RCBTB2: variants seen among roughly 807,000 people sequenced by gnomAD.
RCBTB2 encodes the protein RCC1 and BTB domain-containing protein 2.
Under a neutral mutation model 65.4 loss-of-function variants are expected in RCBTB2, and 55 were observed. The ratio of observed to expected loss-of-function variants is 0.84; its 90% CI spans 0.68 to 1.05. RCBTB2 has a LOEUF of 1.05. Ranked by LOEUF, RCBTB2 falls within the 50% of genes least tolerant of loss-of-function variation. The pLI is 0.00. For synonymous variants in RCBTB2, 220 were observed against 255.2 expected, an observed-to-expected ratio of 0.86 and a Z score of 1.31; for missense variants, 599 against 680.1, an observed-to-expected ratio of 0.88 and a Z score of 1.33.
chr13:48,503,740 G>T (rs143474947), intron 10 of RCBTB2, among the ~76,000 whole-genome samples: 1 of 152,234 alleles, frequency 6.6e-6, no homozygotes, highest in East Asian at 1.9e-4. Flanking sequence ...GTAGAGACAA[G>T]GTTTTGCCAT....
chr13:48,514,788 C>T (rs2138560734), intron 6 of RCBTB2, among the ~76,000 whole-genome samples: 1 of 152,318 alleles, frequency 6.6e-6, no homozygotes, highest in East Asian at 1.9e-4. Context: ...TTTTTCTAGT[C>T]AATCCCTTAT....
intron 9 of RCBTB2, among the ~76,000 whole-genome samples, chr13:48,511,281 C>A (rs1024584348): frequency 2.0e-5 from 3 of 152,066 alleles, no homozygotes; most frequent in African/African-American, 4.8e-5. Context: ...TTTTCCATGT[C>A]ATTAAAAATT....
At chr13:48,529,325 C>T (rs1951976109) in intron 1 of RCBTB2, among the ~76,000 whole-genome samples, 1 of 152,138 alleles carries the variant, frequency 6.6e-6, no homozygotes, top group East Asian at 1.9e-4. Flanking sequence ...CATATATATT[C>T]CTTCAACATG....
chr13:48,521,670 G>A (rs904275815), intron 4 of RCBTB2, among the ~76,000 whole-genome samples: 7 of 152,178 alleles, frequency 4.6e-5, no homozygotes, highest in African/African-American at 1.4e-4. Context: ...TGTCACCATC[G>A]CTGGGAGCCC....
At chr13:48,507,978 T>A (rs1474325592) in intron 10 of RCBTB2, among the ~76,000 whole-genome samples, 1 of 152,234 alleles carries the variant, frequency 6.6e-6, no homozygotes, top group Non-Finnish European at 1.5e-5. Flanking sequence ...GTATTCTCCA[T>A]CATAAATAAA....
At chr13:48,503,588 C>A (rs549285136) in intron 10 of RCBTB2, among the ~76,000 whole-genome samples, 1 of 152,136 alleles carries the variant, frequency 6.6e-6, no homozygotes, top group South Asian at 2.1e-4. Context: ...GTCACCCAGG[C>A]TAGAGTGCAG....
upstream of RCBTB2, among the ~76,000 whole-genome samples, chr13:48,535,260 T>C (rs1354005376): frequency 2.0e-5 from 3 of 150,964 alleles, no homozygotes; most frequent in Non-Finnish European, 4.4e-5. Flanking sequence ...ATCCTCTTTT[T>C]TTTTTTTTTT....
At chr13:48,531,445 G>A (rs1952115525) in intron 1 of RCBTB2, among the ~76,000 whole-genome samples, 1 of 152,230 alleles carries the variant, frequency 6.6e-6, no homozygotes, top group African/African-American at 2.4e-5. Flanking sequence ...TGGAGAGCCA[G>A]ACATTTTAGG....
At chr13:48,527,333 A>ATATGATATATATATATATGATATATATT (rs1378125105) in intron 1 of RCBTB2, among the ~76,000 whole-genome samples, 8 of 130,046 alleles carry the variant, frequency 6.2e-5, no homozygotes. Flanking sequence ...ATATATATAT[A>ATATGATATATATATATATGATATATATT]TATGATATAT....
intron 4 of RCBTB2, among the ~76,000 whole-genome samples, chr13:48,516,026 G>T (rs1363848829): frequency 6.6e-6 from 1 of 152,182 alleles, no homozygotes; most frequent in Non-Finnish European, 1.5e-5. Context: ...ATGTTCAGCA[G>T]ATACTTTAAA....
intron 14 of RCBTB2, among the ~76,000 whole-genome samples, chr13:48,494,749 A>G (rs1308237724): frequency 6.6e-6 from 1 of 152,204 alleles, no homozygotes; most frequent in Non-Finnish European, 1.5e-5. Flanking sequence ...GGACTAGGAA[A>G]AGTGCATGGA....
rs1361914519 is a variant in RCBTB2, at chr13:48,512,815, G to A, written c.430C>T (p.His144Tyr). ...GTTNHGLVPC[H>Y]ISTNLSNKQV... The stretch of plus-strand genomic sequence containing the variant: ...TTGTTTGACAGATTAGTAGAGATAT[G>A]ACAGGGCACTAAACCATGATTAGTT... Residue 144 changes from histidine to tyrosine, a missense_variant, in exon 7 of 15, where the codon CAT (histidine) becomes TAT (tyrosine). His to Tyr is a moderately conservative substitution (Grantham distance 83). Transcript: ENST00000344532. 3 of 1,613,792 alleles carry A rather than the reference G, an allele frequency of 1.9e-6. No individual in the cohort carries two copies. Among genetic ancestry groups the A allele is most frequent in the Non-Finnish European group, 2.5e-6 (3 of 1,179,814 alleles).
At chr13:48,512,214 T>A in intron 7 of RCBTB2, 40 bp from the exon 8 acceptor site, 1 of 1,560,554 alleles carries the variant, frequency 6.4e-7, no homozygotes, top group South Asian at 1.1e-5. Context: ...CAGATTAATT[T>A]ATAAACTGTC....
In RCBTB2 at chr13:48,511,861, T is replaced by C. The variant is rs571851335; in HGVS notation, c.692A>G (p.Tyr231Cys). 1.2e-6 allele frequency: 2 copies of C among 1,614,220 alleles called. No individual in the cohort carries two copies. Among genetic ancestry groups the C allele is most frequent in the African/African-American group, 2.7e-5 (2 of 75,046 alleles). ...VDTGEVYVWG[Y>C]NGNGQLGLGN... Reference sequence around the variant, plus strand: ...GAGTCCAAGCTGCCCGTTTCCGTTGTAACCCCAGACATAGACCTGAGAGAA... The same window carrying C: ...GAGTCCAAGCTGCCCGTTTCCGTTGCAACCCCAGACATAGACCTGAGAGAA... The change falls in exon 9 of 15, where the codon TAC (tyrosine) becomes TGC (cysteine). Residue 231 changes from tyrosine (Y) to cysteine (C), a missense_variant. Transcript: ENST00000344532.
Position 48,512,030 on chromosome 13 carries a change from C to A in RCBTB2, c.661G>T (p.Val221Leu), listed in dbSNP as rs1415623091. ...ACGQMCCMAVVDTGEVYVWGY... is the reference protein window; with the variant it reads ...ACGQMCCMAVLDTGEVYVWGY... ...AACTTCCTTACCTCCCCCGTGTCTA[C>A]TACTGCCATGCAGCACATCTGCCCA... The change falls in exon 8 of 15, where the codon GTA becomes TTA. Residue 221 changes from valine (V) to leucine (L), a missense_variant. Val to Leu is a conservative substitution (Grantham distance 32, BLOSUM62 1). Transcript: ENST00000344532. 3 of 1,614,024 alleles carry A rather than the reference C, an allele frequency of 1.9e-6. No individual in the cohort carries two copies. Among genetic ancestry groups the A allele is most frequent in the South Asian group, 2.2e-5 (2 of 91,082 alleles).
At position 48,496,247 on chromosome 13, in the gene RCBTB2, T is replaced by C; in HGVS notation, c.1459A>G (p.Ile487Val). ...AGAGCGATGGCATTCTCCTCGCAGA[T>C]GCCTTGCTTGATAGTTTGTTGGCAG... ...KLCQQTIKQG[I>V]CEENAIALLS... Residue 487 changes from isoleucine to valine, a missense_variant, in exon 14 of 15, where the codon ATC becomes GTC. Physicochemically the swap from Ile to Val is conservative, Grantham distance 29. Transcript: ENST00000344532. 1 of 1,594,998 alleles carries C rather than the reference T, an allele frequency of 6.3e-7. No homozygotes were observed. The highest frequency in any genetic ancestry group is 1.1e-5 in the South Asian group (1 of 88,870).
intron 4 of RCBTB2, among the ~76,000 whole-genome samples, chr13:48,518,472 A>AAAAAATATATATATAT (rs1491137365): frequency 1.7e-5 from 2 of 116,620 alleles, no homozygotes; most frequent in African/African-American, 7.5e-5. Flanking sequence ...AAAAAAAAAA[A>AAAAAATATATATATAT]ATATATATAT....
chr13:48,525,971 A>G (rs1175062781), intron 1 of RCBTB2, among the ~76,000 whole-genome samples: 1 of 152,168 alleles, frequency 6.6e-6, no homozygotes, highest in African/African-American at 2.4e-5. Context: ...GTTTTGGTGG[A>G]GGGAATACCA....
chr13:48,511,821 G>C lies in RCBTB2; in HGVS notation c.732C>G (p.Asn244Lys), dbSNP rs138201857. The change falls in exon 9 of 15, where the codon AAC becomes AAG. Residue 244 changes from asparagine to lysine, a missense_variant. Coordinates refer to ENST00000344532, the MANE Select transcript of RCBTB2 (RefSeq NM_001268.4). ...NGQLGLGNSGNQPTPCRVAAL... is the reference protein window; with the variant it reads ...NGQLGLGNSGKQPTPCRVAAL... ...CTGCCACTCTGCAAGGGGTTGGCTG[G>C]TTGCCACTGTTGCCGAGTCCAAGCT... The C allele has an allele frequency of 1.1e-5, 17 of 1,614,060 alleles. No homozygotes were observed. The highest frequency in any genetic ancestry group is 1.4e-5 in the Non-Finnish European group (16 of 1,180,044).
Sources: gnomAD v4.1 joint callset for allele counts (sites outside exome capture counted in the v4.1 genomes callset) on GRCh38, gnomAD v4.1.1 for gene constraint, MANE v1.5 for transcripts, NCBI Gene and HGNC (gene_info 2026-07-23, HGNC 2026-07-21) for gene names.